TLR6: variants seen among roughly 807,000 people sequenced by gnomAD.
TLR6 encodes the protein toll-like receptor 6.
In TLR6, 9 loss-of-function variants were observed where a neutral mutation model predicts 16.1. The observed-to-expected ratio is 0.56, with a 90% CI of 0.34 to 0.98. TLR6 has a LOEUF of 0.98. Ranked by LOEUF, TLR6 falls within the 50% of genes least tolerant of loss-of-function variation. The pLI is 0.02. For missense variants in TLR6, 786 were observed against 921.0 expected (o/e 0.85, Z 1.90); for synonymous variants, 340 against 338.6 (o/e 1.00, Z -0.04).
At chr4:38,860,908 T>C (rs527600515), upstream of TLR6, among the ~76,000 whole-genome samples, 6 of 152,182 alleles carry the variant, frequency 3.9e-5, no homozygotes, top group East Asian at 9.7e-4. Flanking sequence ...CTGATGTAAG[T>C]GGTCTGGGAG....
chr4:38,824,453 A>T (rs959977089), exon 2 of TLR6: 1 of 152,216 alleles, frequency 6.6e-6, no homozygotes, highest in Non-Finnish European at 1.5e-5. Context: ...ATGTAGGTTT[A>T]ACAAAATTAA....
At chr4:38,828,347 A>G (rs570313587) in exon 2 of TLR6, 7 of 1,613,278 alleles carry the variant, frequency 4.3e-6, no homozygotes, top group African/African-American at 1.3e-5. Flanking sequence ...CAATTTAACT[A>G]ACGTGGAACA....
At chr4:38,856,589 C>T (rs1713000427) in intron 1 of TLR6, among the ~76,000 whole-genome samples, 172 bp downstream of exon 1, 1 of 152,154 alleles carries the variant, frequency 6.6e-6, no homozygotes, top group African/African-American at 2.4e-5. Flanking sequence ...TCATCCTGCT[C>T]GTGAAATTCA....
chr4:38,862,157 G>A, the TLR6 span, among the ~76,000 whole-genome samples: 7 of 152,076 alleles, frequency 4.6e-5, no homozygotes, highest in Admixed American at 6.5e-5. Context: ...TCTGTGCCAA[G>A]AGCCAGCCCC....
intron 1 of TLR6, among the ~76,000 whole-genome samples, chr4:38,839,942 C>T (rs1461526938): frequency 3.3e-5 from 5 of 152,144 alleles, no homozygotes; most frequent in East Asian, 1.9e-4. Flanking sequence ...ATTATAATCC[C>T]GAAAGACACA....
the TLR6 span, among the ~76,000 whole-genome samples, chr4:38,861,912 C>T: frequency 2.0e-5 from 3 of 152,200 alleles, no homozygotes; most frequent in Non-Finnish European, 4.4e-5. Flanking sequence ...GATGTCTCCT[C>T]AATTACCAGC....
At chr4:38,834,515 G>T (rs1056049313) in intron 1 of TLR6, among the ~76,000 whole-genome samples, 17 of 151,946 alleles carry the variant, frequency 1.1e-4, no homozygotes, top group African/African-American at 3.9e-4. Flanking sequence ...CTTACAAGAG[G>T]TATAGACATC....
the TLR6 span, among the ~76,000 whole-genome samples, chr4:38,864,783 G>A: frequency 1.3e-4 from 20 of 152,110 alleles, no homozygotes; most frequent in African/African-American, 2.2e-4. Flanking sequence ...AGGCTGAGGC[G>A]GGAGGATTGC....
upstream of TLR6, among the ~76,000 whole-genome samples, chr4:38,860,886 T>C (rs1265764285): frequency 1.3e-5 from 2 of 152,070 alleles, no homozygotes; most frequent in African/African-American, 2.4e-5. Flanking sequence ...CTCACATACA[T>C]GTCCAGAGAT....
At chr4:38,846,451 C>A (rs575607932) in intron 1 of TLR6, among the ~76,000 whole-genome samples, 2 of 152,024 alleles carry the variant, frequency 1.3e-5, no homozygotes, top group East Asian at 3.9e-4. Context: ...CAAATAGCAC[C>A]ACTAATGAGA....
chr4:38,836,225 T>C (rs1711909362), intron 1 of TLR6, among the ~76,000 whole-genome samples: 1 of 151,822 alleles, frequency 6.6e-6, no homozygotes, highest in African/African-American at 2.4e-5. Context: ...CCAATAAACT[T>C]TTAGCTAGAC....
downstream of TLR6, among the ~76,000 whole-genome samples, chr4:38,823,521 G>T (rs529079894): frequency 6.6e-6 from 1 of 152,092 alleles, no homozygotes; most frequent in East Asian, 1.9e-4. Context: ...ATCTTACTAC[G>T]GGATCTATTG....
At chr4:38,865,878 C>A in the TLR6 span, among the ~76,000 whole-genome samples, 1 of 152,246 alleles carries the variant, frequency 6.6e-6, no homozygotes, top group Non-Finnish European at 1.5e-5. Context: ...GTGGCTCACG[C>A]CTGTAATCCC....
chr4:38,847,775 A>G (rs907236036), intron 1 of TLR6, among the ~76,000 whole-genome samples: 14 of 151,890 alleles, frequency 9.2e-5, no homozygotes, highest in Non-Finnish European at 1.9e-4. Context: ...TAGGTAAACA[A>G]AGCAGCCAGG....
intron 1 of TLR6, among the ~76,000 whole-genome samples, chr4:38,850,389 C>T (rs184806065): frequency 1.3e-3 from 201 of 152,174 alleles, no homozygotes; most frequent in African/African-American, 4.6e-3. Flanking sequence ...CAGAGCAGAA[C>T]TGAAGGAGAT....
chr4:38,848,446 A>G (rs573951883), intron 1 of TLR6, among the ~76,000 whole-genome samples: 113 of 152,330 alleles, frequency 7.4e-4, no homozygotes, highest in African/African-American at 2.5e-3. Context: ...TGACTTTGAC[A>G]TGTTGAGAGA....
chr4:38,840,892 G>T (rs182846172), intron 1 of TLR6, among the ~76,000 whole-genome samples: 1 of 152,308 alleles, frequency 6.6e-6, no homozygotes, highest in East Asian at 1.9e-4. Context: ...TCTCTGAGGA[G>T]AACAGTGCCC....
chr4:38,830,992 C>T (rs1252728277), intron 1 of TLR6, among the ~76,000 whole-genome samples: 1 of 149,890 alleles, frequency 6.7e-6, no homozygotes, highest in African/African-American at 2.5e-5. Context: ...AAAAAATTAG[C>T]CATGCAAAGA....
At chr4:38,838,554 G>A (rs1182471836) in intron 1 of TLR6, among the ~76,000 whole-genome samples, 1 of 152,114 alleles carries the variant, frequency 6.6e-6, no homozygotes. Flanking sequence ...ATCTCAGGAG[G>A]GTAGAGAGTA....
Sources: gnomAD v4.1 joint callset for allele counts (sites outside exome capture counted in the v4.1 genomes callset) on GRCh38, gnomAD v4.1.1 for gene constraint, MANE v1.5 for transcripts, NCBI Gene and HGNC (gene_info 2026-07-23, HGNC 2026-07-21) for gene names.